ECT2L: variants seen among roughly 807,000 people sequenced by gnomAD.
ECT2L encodes the protein epithelial cell-transforming sequence 2 oncogene-like.
A neutral mutation model predicts 122.8 loss-of-function variants in ECT2L; 126 were observed. The ratio of observed to expected loss-of-function variants is 1.03; its 90% confidence interval spans 0.89 to 1.19. The LOEUF is 1.19. Among genes scored for constraint, ECT2L ranks in the 50% most tolerant of loss-of-function variants. The pLI, the probability that ECT2L is intolerant of heterozygous loss-of-function variation, is 0.00. For missense variants in ECT2L, 1,012 were observed against 1,064.1 expected, an observed-to-expected ratio of 0.95 and a Z score of 0.68; for synonymous variants, 385 against 381.8, an observed-to-expected ratio of 1.01 and a Z score of -0.10.
intron 12 of ECT2L, among the ~76,000 whole-genome samples, chr6:138,865,938 A>G (rs1040158335): frequency 6.6e-6 from 1 of 152,168 alleles, no homozygotes; most frequent in African/African-American, 2.4e-5. Flanking sequence ...GTCTGTTTAC[A>G]TAGTTACCAT....
At chr6:138,887,055 C>T in intron 19 of ECT2L, 133 bp downstream of exon 19, 1 of 723,694 alleles carries the variant, frequency 1.4e-6, no homozygotes. Flanking sequence ...CACTGCCATG[C>T]TCTCCCATTT....
chr6:138,846,575 A>G lies in ECT2L; in HGVS notation c.801A>G (p.Leu267=). 6.2e-7 allele frequency: 1 copy of G among 1,608,046 alleles called. No homozygotes were observed. Among genetic ancestry groups the G allele is most frequent in the Non-Finnish European group, 8.5e-7 (1 of 1,178,324 alleles). The change falls in exon 8 of 22, where the codon TTA becomes TTG. Residue 267 remains leucine, a synonymous_variant. Transcript: ENST00000541398. ...NISGSHSYPL[L]SKKNWHGVHK... is the part of the protein sequence containing the mutation. ...CTGGAAGCCATTCCTACCCTTTATTATCAAAGAAAAATTGGCATGGAGTTC... is the reference window on the plus strand; with the variant it reads ...CTGGAAGCCATTCCTACCCTTTATTGTCAAAGAAAAATTGGCATGGAGTTC...
chr6:138,808,687 T>C (rs909599621), intron 1 of ECT2L, among the ~76,000 whole-genome samples: 7 of 151,964 alleles, frequency 4.6e-5, no homozygotes, highest in African/African-American at 1.7e-4. Context: ...ACAATTATGT[T>C]AATAATACAT....
intron 4 of ECT2L, among the ~76,000 whole-genome samples, chr6:138,818,293 G>A (rs957738500): frequency 2.6e-4 from 39 of 152,024 alleles, no homozygotes; most frequent in African/African-American, 9.4e-4. Context: ...GGGGTTGGAG[G>A]GCAGAAAAAT....
At chr6:138,822,818 C>T (rs936731880) in intron 4 of ECT2L, 3 of 1,613,306 alleles carry the variant, frequency 1.9e-6, no homozygotes, top group East Asian at 2.2e-5. Context: ...CTTATGACTA[C>T]AGTCAATATG....
At chr6:138,821,244 C>T (rs1776258410) in intron 4 of ECT2L, among the ~76,000 whole-genome samples, 2 of 152,228 alleles carry the variant, frequency 1.3e-5, no homozygotes, top group Non-Finnish European at 2.9e-5. Flanking sequence ...GTGTTTCACT[C>T]CAGGCAGCCC....
At chr6:138,816,245 A>G (rs868427991) in intron 4 of ECT2L, among the ~76,000 whole-genome samples, 14 of 152,304 alleles carry the variant, frequency 9.2e-5, no homozygotes, top group African/African-American at 1.7e-4. Flanking sequence ...ACTGGAGGTC[A>G]TTAGAGATCT....
intron 15 of ECT2L, 114 bp downstream of exon 15, chr6:138,881,285 C>A: frequency 9.6e-7 from 1 of 1,042,804 alleles, no homozygotes; most frequent in Non-Finnish European, 1.4e-6. Flanking sequence ...CTCTTAGGGA[C>A]CCTGATTATA....
In ECT2L at chr6:138,849,505, C is replaced by T. The variant is rs77393337; in HGVS notation, c.1069+71C>T. On this transcript the variant is annotated intron_variant, in intron 9 of 21. Coordinates refer to ENST00000541398, the MANE Select transcript of ECT2L (RefSeq NM_001077706.3). ...GTGCACTTTGTCCACAGTGTGACTTCCGGAGGACTATCTCAGTTCCAAGTT... is the reference window on the plus strand; with the variant it reads ...GTGCACTTTGTCCACAGTGTGACTTTCGGAGGACTATCTCAGTTCCAAGTT... 3,420 of 1,452,160 alleles carry T rather than the reference C, an allele frequency of 2.4e-3. 74 individuals carry two copies. The African/African-American group carries it at 0.042, about 18-fold the overall frequency. The allele number at this position is 1,452,160 out of a possible 1,614,324, so 90.0% of individuals were successfully genotyped here.
intron 1 of ECT2L, among the ~76,000 whole-genome samples, chr6:138,808,840 C>T (rs1376155398): frequency 6.6e-6 from 1 of 151,682 alleles, no homozygotes; most frequent in Non-Finnish European, 1.5e-5. Context: ...AATTCTCTTG[C>T]CTCAGCTTCC....
intron 4 of ECT2L, among the ~76,000 whole-genome samples, chr6:138,830,616 G>A (rs1050169499): frequency 2.6e-5 from 4 of 151,888 alleles, no homozygotes; most frequent in Admixed American, 6.6e-5. Flanking sequence ...GATTTTTTTC[G>A]GTTATCTTGC....
chr6:138,863,860 C>T (rs62440942), intron 11 of ECT2L, among the ~76,000 whole-genome samples: 33,270 of 150,752 alleles, frequency 0.22, 3,862 homozygotes, highest in Non-Finnish European at 0.25. Context: ...GTGATCCGCC[C>T]GCCTCAGCCT....
intron 7 of ECT2L, 83 bp from the exon 8 acceptor site, chr6:138,846,456 T>C: frequency 7.4e-7 from 1 of 1,354,382 alleles, no homozygotes; most frequent in Non-Finnish European, 9.9e-7. Context: ...GTAGAGCTGA[T>C]GCCCAGAGAC....
intron 11 of ECT2L, among the ~76,000 whole-genome samples, chr6:138,863,610 T>C (rs1025858506): frequency 3.3e-5 from 5 of 150,658 alleles, no homozygotes; most frequent in Admixed American, 6.6e-5. Flanking sequence ...GAACAGGTTT[T>C]CTTTCTTTTT....
chr6:138,868,385 C>T (rs1778127677), intron 13 of ECT2L, among the ~76,000 whole-genome samples, 179 bp downstream of exon 13: 1 of 151,938 alleles, frequency 6.6e-6, no homozygotes, highest in South Asian at 2.1e-4. Context: ...GTGTTAAGTA[C>T]ACAAAACAGA....
intron 13 of ECT2L, among the ~76,000 whole-genome samples, chr6:138,872,858 CCT>C (rs368226517): frequency 6.6e-5 from 10 of 152,240 alleles, no homozygotes; most frequent in African/African-American, 1.7e-4. Flanking sequence ...CAGAAAACCC[CCT>C]CTTTGGAGCA....
chr6:138,842,431 A>G (rs1486897922), intron 5 of ECT2L, among the ~76,000 whole-genome samples: 1 of 151,932 alleles, frequency 6.6e-6, no homozygotes, highest in Admixed American at 6.6e-5. Flanking sequence ...ACTGCACTCC[A>G]GCCTGGGCGA....
At chr6:138,858,229 C>T (rs1003380230) in intron 10 of ECT2L, among the ~76,000 whole-genome samples, 3 of 152,134 alleles carry the variant, frequency 2.0e-5, no homozygotes, top group Admixed American at 2.0e-4. Flanking sequence ...GCTGCAGACT[C>T]ATATCTAATT....
At chr6:138,836,136 G>A (rs1167304797) in intron 4 of ECT2L, among the ~76,000 whole-genome samples, 2 of 151,746 alleles carry the variant, frequency 1.3e-5, no homozygotes, top group African/African-American at 4.8e-5. Context: ...TACATCCCTT[G>A]GTTAAGATAG....
Sources: allele counts gnomAD v4.1 joint callset (sites outside exome capture counted in the v4.1 genomes callset), GRCh38; gene constraint gnomAD v4.1.1; transcripts MANE v1.5; gene names NCBI Gene and HGNC (gene_info 2026-07-23, HGNC 2026-07-21).